SPNS2: variants seen among roughly 807,000 people sequenced by gnomAD.
The protein encoded by SPNS2 is SPNS lysolipid transporter 2, sphingosine-1-phosphate.
A neutral mutation model predicts 57.6 loss-of-function variants in SPNS2; 37 were observed. That is an observed-to-expected ratio of 0.64 (90% CI 0.49 to 0.85). The LOEUF is 0.85. Ranked by LOEUF, SPNS2 falls within the 40% of genes least tolerant of loss-of-function variation. SPNS2 has a pLI of 0.00. For missense variants in SPNS2, 831 were observed against 779.1 expected (o/e 1.07, Z -0.79); for synonymous variants, 440 against 346.9 (o/e 1.27, Z -2.98).
At chr17:4,504,376 C>T (rs988584166) in intron 1 of SPNS2, among the ~76,000 whole-genome samples, 2 of 152,258 alleles carry the variant, frequency 1.3e-5, no homozygotes, top group Admixed American at 6.5e-5. Context: ...AGGCACCTTC[C>T]AGCAGGCTCT....
At chr17:4,534,162 C>A (rs1905645279) in intron 9 of SPNS2, among the ~76,000 whole-genome samples, 1 of 152,154 alleles carries the variant, frequency 6.6e-6, no homozygotes, top group Non-Finnish European at 1.5e-5. Context: ...CGCTGCCTGC[C>A]CGCCCTCCTC....
chr17:4,499,123 C>T lies in SPNS2; in HGVS notation c.76C>T (p.Arg26Trp), dbSNP rs1264802725. 1.8e-6 allele frequency: 2 copies of T among 1,127,978 alleles called. No individual in the cohort carries two copies. Among genetic ancestry groups the T allele is most frequent in the Admixed American group, 4.9e-5 (1 of 20,288 alleles). 69.9% of individuals were successfully genotyped at this position (1,127,978 alleles called of 1,614,324 possible). ...EEEADAERRR[R>W]RRGAQRGAGG... ...GGAGGCGGACGCGGAGCGGCGGCGC[C>T]GGCGCCGGGGGGCGCAGCGAGGGGC... Residue 26 changes from arginine (R) to tryptophan (W), a missense_variant, in exon 1 of 13, where the codon CGG (arginine) becomes TGG (tryptophan). Transcript: ENST00000329078. The surrounding 1 kb of genome is among the most constrained non-coding windows in gnomAD (Gnocchi z 5.2).
At position 4,536,825 on chromosome 17, in the gene SPNS2, A is replaced by G. The variant is rs774047707; in HGVS notation, c.1608-75A>G. On this transcript the variant is annotated intron_variant, in intron 11 of 12. Transcript: ENST00000329078. The stretch of plus-strand genomic sequence containing the variant: ...CCTCCGGTCAGCTGGCCCCCACGAC[A>G]CGATGTGCCAGAGCAGTGCCCGGGC... 14 of 1,269,316 alleles carry G rather than the reference A, an allele frequency of 1.1e-5. 1 individual carries two copies. In the South Asian group the frequency reaches 1.6e-4, roughly 14 times the overall value. The allele number at this position is 1,269,316 out of a possible 1,614,324, so 78.6% of individuals were successfully genotyped here.
rs1013396785 is a variant in SPNS2, at chr17:4,537,860, G to A, written c.*412G>A. 17 of 453,260 alleles carry A rather than the reference G, an allele frequency of 3.8e-5. No individual in the cohort carries two copies. Among genetic ancestry groups the A allele is most frequent in the African/African-American group, 1.8e-4 (9 of 50,012 alleles). 28.1% of individuals were successfully genotyped at this position (453,260 alleles called of 1,614,324 possible). On this transcript the variant is annotated 3_prime_UTR_variant, in exon 13 of 13. Coordinates refer to ENST00000329078, the MANE Select transcript of SPNS2 (RefSeq NM_001124758.3). ...CAACTTGCTGGGCAAAGCACGATCT[G>A]CAGCTTTGAAGACTCAACAGACCCT...
At position 4,536,116 on chromosome 17, in the gene SPNS2, T is replaced by C. The variant is rs1476886865; in HGVS notation, c.1385T>C (p.Leu462Ser). 4.3e-6 allele frequency: 7 copies of C among 1,612,546 alleles called. No individual in the cohort carries two copies. The South Asian group carries it at 4.4e-5, about 10-fold the overall frequency. Residue 462 changes from leucine to serine, a missense_variant, in exon 10 of 13, where the codon TTG (leucine) becomes TCG (serine). By Grantham distance (145) the Leu-to-Ser change is moderately radical (BLOSUM62 -2). Coordinates refer to ENST00000329078, the MANE Select transcript of SPNS2 (RefSeq NM_001124758.3). ...ACGCGGCGCGCCACTGCCGTGGCCT[T>C]GCAGAGCTTCACCTCCCACCTGCTG... ...IPTRRATAVA[L>S]QSFTSHLLGD...
At chr17:4,525,033 C>T (rs772124277) in intron 2 of SPNS2, 24 bp from the exon 3 acceptor site, 5 of 1,609,482 alleles carry the variant, frequency 3.1e-6, no homozygotes, top group Non-Finnish European at 4.3e-6. Context: ...CTGGGCCCCC[C>T]CTCAAGCTCT....
chr17:4,499,280 C>A lies in SPNS2; in HGVS notation c.233C>A (p.Pro78His), dbSNP rs753884969. ...PTGPPGTPGTPGCAATAKGPG... is the reference protein window; with the variant it reads ...PTGPPGTPGTHGCAATAKGPG... ...GGACCCCCCGGCACCCCCGGCACCCCCGGCTGCGCAGCTACTGCAAAGGGC... is the reference window on the plus strand; with the variant it reads ...GGACCCCCCGGCACCCCCGGCACCCACGGCTGCGCAGCTACTGCAAAGGGC... Residue 78 changes from proline (P) to histidine (H), a missense_variant, in exon 1 of 13, where the codon CCC becomes CAC. Transcript: ENST00000329078. This position sits in a 1 kb window ranked among gnomAD's most constrained non-coding sequence, Gnocchi z 5.2. The A allele has an allele frequency of 3.4e-6, 5 of 1,490,394 alleles. No individual in the cohort carries two copies. Among genetic ancestry groups the A allele is most frequent in the Admixed American group, 4.4e-5 (2 of 45,640 alleles). 92.3% of individuals were successfully genotyped at this position (1,490,394 alleles called of 1,614,324 possible). A position where few individuals can be genotyped will look rare whatever the true frequency, so the allele number is the denominator to read the frequency against.
intron 5 of SPNS2, among the ~76,000 whole-genome samples, chr17:4,532,253 A>C (rs1298387719): frequency 6.6e-6 from 1 of 151,526 alleles, no homozygotes; most frequent in Admixed American, 6.6e-5. Context: ...CTATCCACCC[A>C]CTGCTCCACT....
At chr17:4,520,356 C>G (rs1905108356) in intron 2 of SPNS2, among the ~76,000 whole-genome samples, 1 of 152,178 alleles carries the variant, frequency 6.6e-6, no homozygotes, top group East Asian at 1.9e-4. Flanking sequence ...CCCGTGCTTC[C>G]TGCTCCACTG....
intron 9 of SPNS2, 118 bp from the exon 10 acceptor site, chr17:4,535,958 A>C: frequency 1.3e-6 from 1 of 774,942 alleles, no homozygotes; most frequent in Non-Finnish European, 2.1e-6. Flanking sequence ...AGGTGTCAAG[A>C]CGTAGGGCAG....
rs189510593 is a variant in SPNS2 at position 4,531,196 on chromosome 17, A to C, written c.792+77A>C. 5.0e-4 allele frequency: 703 copies of C among 1,416,782 alleles called. 3 individuals carry two copies. In the Admixed American group the frequency reaches 7.9e-3, roughly 16 times the overall value. 87.8% of individuals were successfully genotyped at this position (1,416,782 alleles called of 1,614,324 possible). ...CCAGGGTTGCCCAGAGATGTAATCC[A>C]GGCTAGGACCTAGGCCTCCAGGATT... On this transcript the variant is annotated intron_variant, in intron 5 of 12. Coordinates refer to ENST00000329078, the MANE Select transcript of SPNS2 (RefSeq NM_001124758.3).
chr17:4,515,353 G>T (rs561609551), intron 2 of SPNS2, among the ~76,000 whole-genome samples: 3 of 152,316 alleles, frequency 2.0e-5, no homozygotes, highest in Non-Finnish European at 4.4e-5. Context: ...TTGCTTGAGG[G>T]CTGGCAGTGG....
At chr17:4,501,670 A>C (rs1245385979) in intron 1 of SPNS2, among the ~76,000 whole-genome samples, 4 of 152,088 alleles carry the variant, frequency 2.6e-5, no homozygotes, top group African/African-American at 9.7e-5. Context: ...CCCCAAGTTC[A>C]GTTTTTAGGA....
chr17:4,499,348 CG>C lies in SPNS2; in HGVS notation c.307del (p.Ala103GlnfsTer67). On this transcript the variant is annotated frameshift_variant, in exon 1 of 13. Transcript: ENST00000329078. LOFTEE classifies it high-confidence loss of function. This position sits in a 1 kb window ranked among gnomAD's most constrained non-coding sequence, Gnocchi z 5.2. Reference protein sequence around the residue: ...QPKPASLGRGRGAAAAILSLG... With the variant: ...QPKPASLGRGXGAAAAILSLG... ...CAAACCGGCCAGCTTGGGCCGCGGGCGGGGGGCAGCCGCCGCCATCCTCAGC... is the reference window on the plus strand; with the variant it reads ...CAAACCGGCCAGCTTGGGCCGCGGGCGGGGGCAGCCGCCGCCATCCTCAGC... The C allele has an allele frequency of 4.8e-6, 7 of 1,450,990 alleles. No individual in the cohort carries two copies. Among genetic ancestry groups the C allele is most frequent in the East Asian group, 2.9e-5 (1 of 34,588 alleles). The allele number at this position is 1,450,990 out of a possible 1,614,324, so 89.9% of individuals were successfully genotyped here.
chr17:4,535,797 G>A (rs1024138246), intron 9 of SPNS2, among the ~76,000 whole-genome samples: 2 of 152,080 alleles, frequency 1.3e-5, no homozygotes, highest in African/African-American at 4.8e-5. Context: ...GGTTGGAGGT[G>A]TGGAAGCCCC....
intron 2 of SPNS2, among the ~76,000 whole-genome samples, chr17:4,515,678 C>T (rs1904966609): frequency 6.6e-6 from 1 of 152,244 alleles, no homozygotes; most frequent in Non-Finnish European, 1.5e-5. Flanking sequence ...GTGTCCCAGG[C>T]ACCTGTGCCT....
At position 4,536,361 on chromosome 17, in the gene SPNS2, G is replaced by C; in HGVS notation, c.1542G>C (p.Leu514=). The change falls in exon 11 of 13, where the codon CTG becomes CTC. Residue 514 remains leucine, a synonymous_variant. Coordinates refer to ENST00000329078, the MANE Select transcript of SPNS2 (RefSeq NM_001124758.3). Reference sequence around the variant, plus strand: ...TGCTCTGCCCTTTCGTCGTGGTCCTGGGCGGCATGTTCTTCCTCGCCACTG... The same window carrying C: ...TGCTCTGCCCTTTCGTCGTGGTCCTCGGCGGCATGTTCTTCCTCGCCACTG... ...ALMLCPFVVV[L]GGMFFLATAL... is the part of the protein sequence containing the mutation. 2.5e-6 allele frequency: 4 copies of C among 1,610,302 alleles called. No individual in the cohort carries two copies. The highest frequency in any genetic ancestry group is 3.4e-6 in the Non-Finnish European group (4 of 1,179,922).
chr17:4,529,288 C>T (rs1905358523), intron 3 of SPNS2, among the ~76,000 whole-genome samples: 1 of 151,840 alleles, frequency 6.6e-6, no homozygotes, highest in Admixed American at 6.6e-5. Context: ...CTATGTTACC[C>T]AGGCTGGTCT....
chr17:4,526,175 G>T (rs1364350983), intron 3 of SPNS2, among the ~76,000 whole-genome samples: 1 of 152,190 alleles, frequency 6.6e-6, no homozygotes, highest in African/African-American at 2.4e-5. Context: ...AAATCCGTGG[G>T]GTCAGGGAGG....
Sources: allele counts gnomAD v4.1 joint callset (sites outside exome capture counted in the v4.1 genomes callset), GRCh38; gene constraint gnomAD v4.1.1; non-coding constraint Gnocchi (gnomAD v3.1); transcripts MANE v1.5; gene names NCBI Gene and HGNC (gene_info 2026-07-23, HGNC 2026-07-21).